Variants in OTOP1 observed in about 807,000 individuals in gnomAD.
The protein encoded by OTOP1 is proton channel OTOP1.
In OTOP1, 59 loss-of-function variants were observed where a neutral mutation model predicts 52.9. That is an observed-to-expected ratio of 1.12 (90% CI 0.91 to 1.39). OTOP1 has a LOEUF of 1.39. Among genes scored for constraint, OTOP1 ranks in the 40% most tolerant of loss-of-function variants. OTOP1 has a pLI of 0.00. For missense variants in OTOP1, 761 were observed against 800.9 expected (o/e 0.95, Z 0.60); for synonymous variants, 317 against 337.7 (o/e 0.94, Z 0.67).
Position 4,212,866 on chromosome 4 carries a change from A to G in OTOP1, c.540+2T>C. ...CAATATAAATAAACATCAGTGGTTT[A>G]CCTGCAACAAAGTATGCACTGAATG... On this transcript the variant is annotated splice_donor_variant, in intron 2 of 5. Coordinates refer to ENST00000296358, the MANE Select transcript of OTOP1 (RefSeq NM_177998.3). LOFTEE classifies it high-confidence loss of function. The G allele has an allele frequency of 6.2e-7, 1 of 1,613,938 alleles. No individual in the cohort carries two copies. Among genetic ancestry groups the G allele is most frequent in the Non-Finnish European group, 8.5e-7 (1 of 1,179,800 alleles).
intron 4 of OTOP1, among the ~76,000 whole-genome samples, chr4:4,201,463 T>C (rs199988354): frequency 5.5e-4 from 71 of 128,410 alleles, no homozygotes; most frequent in African/African-American, 1.8e-3. Context: ...TAAATAAATA[T>C]ATATATATAC....
At chr4:4,204,407 T>C (rs1259924051) in intron 3 of OTOP1, among the ~76,000 whole-genome samples, 1 of 152,140 alleles carries the variant, frequency 6.6e-6, no homozygotes, top group Non-Finnish European at 1.5e-5. Flanking sequence ...TTACTCATAA[T>C]GCACACAGCT....
chr4:4,212,129 A>T (rs954119884), intron 2 of OTOP1, among the ~76,000 whole-genome samples: 2 of 152,230 alleles, frequency 1.3e-5, no homozygotes, highest in African/African-American at 4.8e-5. Context: ...GAGGCTGACA[A>T]TTCAATAGTT....
chr4:4,205,022 T>A (rs1351935505), intron 3 of OTOP1, among the ~76,000 whole-genome samples: 1 of 152,180 alleles, frequency 6.6e-6, no homozygotes, highest in Non-Finnish European at 1.5e-5. Flanking sequence ...TCCGCCCACC[T>A]GGGCCTCCCA....
chr4:4,213,838 C>G (rs1409428911), intron 1 of OTOP1, among the ~76,000 whole-genome samples: 1 of 151,978 alleles, frequency 6.6e-6, no homozygotes, highest in Non-Finnish European at 1.5e-5. Context: ...ACCTGTAATC[C>G]CAGCACTTTG....
In OTOP1 at chr4:4,220,001, ACATATATATG is replaced by A. The variant is rs569131961; in HGVS notation, c.403+6451_403+6460del. ...CATATATACGTATATAGGTGTATAT[ACATATATATG>A]TATATACATGTATATACGTATATAT... On this transcript the variant is annotated intron_variant, in intron 1 of 5. Coordinates refer to ENST00000296358, the MANE Select transcript of OTOP1 (RefSeq NM_177998.3). Among the ~76,000 whole-genome samples, 217 of 55,392 alleles carry A rather than the reference ACATATATATG, an allele frequency of 3.9e-3. 5 individuals are homozygous for A. Among genetic ancestry groups the A allele is most frequent in the African/African-American group, 0.024 (195 of 8,174 alleles). The allele number at this position is 55,392 out of a possible 152,430, so 36.3% of individuals were successfully genotyped here. A position where few individuals can be genotyped will look rare whatever the true frequency, so the allele number is the denominator to read the frequency against.
Position 4,202,551 on chromosome 4 carries a change from G to T in OTOP1, c.627C>A (p.Thr209=). ...ERFGVIHSVF[T]NLLLWANGVL... ...CGCCATTGGCCCACAGAAGCAGGTT[G>T]GTGAACACCGAGTGGATCACTCCAA... Residue 209 remains threonine, a synonymous_variant, in exon 4 of 6, where the codon ACC becomes ACA. Transcript: ENST00000296358. 6.2e-7 allele frequency: 1 copy of T among 1,614,048 alleles called. No homozygotes were observed. Among genetic ancestry groups the T allele is most frequent in the Non-Finnish European group, 8.5e-7 (1 of 1,179,944 alleles).
chr4:4,207,951 G>A (rs929756571), intron 2 of OTOP1, among the ~76,000 whole-genome samples: 2 of 152,168 alleles, frequency 1.3e-5, no homozygotes, highest in African/African-American at 4.8e-5. Flanking sequence ...GAGGCAAATG[G>A]TTGCATTCTT....
chr4:4,226,012 A>G (rs1463101187), intron 1 of OTOP1, among the ~76,000 whole-genome samples: 1 of 152,232 alleles, frequency 6.6e-6, no homozygotes, highest in Non-Finnish European at 1.5e-5. Context: ...CCGAATGTGC[A>G]GAGGCAGAGG....
chr4:4,197,421 G>A lies in OTOP1; in HGVS notation c.1413C>T (p.Thr471=), dbSNP rs139430954. The change falls in exon 5 of 6, where the codon ACC becomes ACT. Residue 471 remains threonine, a synonymous_variant. Transcript: ENST00000296358. ...TGGGGCAGGAAGAAGCAAGGGGCAT[G>A]GTGTTGCCATTGCAGACTGTGACCA... ...LRVVTVCNGN[T]MPLASSCPKS... is the part of the protein sequence containing the mutation. The A allele has an allele frequency of 2.5e-6, 4 of 1,614,074 alleles. No individual in the cohort carries two copies. The highest frequency in any genetic ancestry group is 2.5e-6 in the Non-Finnish European group (3 of 1,180,016).
At chr4:4,200,759 T>C (rs1560206745) in intron 4 of OTOP1, among the ~76,000 whole-genome samples, 1 of 142,428 alleles carries the variant, frequency 7.0e-6, no homozygotes, top group East Asian at 2.1e-4. Context: ...GGTCTCCCTT[T>C]GTTGCCCAGG....
intron 5 of OTOP1, among the ~76,000 whole-genome samples, chr4:4,191,337 C>T (rs114059989): frequency 0.012 from 1,852 of 152,280 alleles, 50 homozygotes; most frequent in African/African-American, 0.041. Context: ...GGGCTCTACT[C>T]GGCCACCAGA....
chr4:4,211,871 C>A (rs185194017), intron 2 of OTOP1, among the ~76,000 whole-genome samples: 17 of 152,164 alleles, frequency 1.1e-4, no homozygotes, highest in African/African-American at 4.1e-4. Context: ...GTTGCAAATA[C>A]GCAAGACGAA....
chr4:4,197,587 T>A lies in OTOP1; in HGVS notation c.1247A>T (p.Glu416Val). 6.2e-7 allele frequency: 1 copy of A among 1,613,666 alleles called. No individual in the cohort carries two copies. The highest frequency in any genetic ancestry group is 1.1e-5 in the South Asian group (1 of 91,018). ...GTACCAGGTGTAGCGGGGGTGGCCC[T>A]CAGCACAGAGGATGGCCAAGATTGA... ...WGSILAILCA[E>V]GHPRYTWYNL... is the part of the protein sequence containing the mutation. Residue 416 changes from glutamate (E) to valine (V), a missense_variant, in exon 5 of 6, where the codon GAG (glutamate) becomes GTG (valine). By Grantham distance (121) the Glu-to-Val change is moderately radical. Around this residue, in one of 3 missense-constraint regions of OTOP1, gnomAD observed 632 missense variants for 619.5 expected, o/e 1.02. Transcript: ENST00000296358.
intron 2 of OTOP1, 35 bp downstream of exon 2, chr4:4,212,833 G>A: frequency 6.2e-7 from 1 of 1,610,886 alleles, no homozygotes; most frequent in Non-Finnish European, 8.5e-7. Context: ...CACTTCATAG[G>A]AATGAGACAA....
At position 4,205,936 on chromosome 4, in the gene OTOP1, A is replaced by G. The variant is rs1436791997; in HGVS notation, c.599+136T>C. 7 of 750,802 alleles carry G rather than the reference A, an allele frequency of 9.3e-6. No homozygotes were observed. The South Asian group carries it at 9.5e-5, about 10-fold the overall frequency. 46.5% of individuals were successfully genotyped at this position (750,802 alleles called of 1,614,324 possible). A position where few individuals can be genotyped will look rare whatever the true frequency, so the allele number is the denominator to read the frequency against. ...CAGTGACCCTCTTCTCTCAGCCACAAGTGAGAGCTTAGCTTTCAGGACTGA... is the reference window on the plus strand; with the variant it reads ...CAGTGACCCTCTTCTCTCAGCCACAGGTGAGAGCTTAGCTTTCAGGACTGA... On this transcript the variant is annotated intron_variant, in intron 3 of 5. Transcript: ENST00000296358.
At position 4,191,492 on chromosome 4, in the gene OTOP1, C is replaced by T. The variant is rs2980112; in HGVS notation, c.1669-2519G>A. ...ATTTCTAACCACCCACGCTTCTCCCCACTCACCCCACCCACATGGCACGCA... is the reference window on the plus strand; with the variant it reads ...ATTTCTAACCACCCACGCTTCTCCCTACTCACCCCACCCACATGGCACGCA... On this transcript the variant is annotated intron_variant, in intron 5 of 5. Transcript: ENST00000296358. 4.1e-3 allele frequency among the ~76,000 whole-genome samples: 623 copies of T among 152,338 alleles called. 5 individuals are homozygous for T. Among genetic ancestry groups the T allele is most frequent in the African/African-American group, 0.014 (589 of 41,576 alleles).
chr4:4,194,298 C>T (rs1349663110), intron 5 of OTOP1, among the ~76,000 whole-genome samples: 1 of 152,158 alleles, frequency 6.6e-6, no homozygotes. Context: ...GGAACATGCA[C>T]CTCAAAAAAA....
Position 4,226,732 on chromosome 4 carries a change from G to C in OTOP1, c.133C>G (p.Arg45Gly). The C allele has an allele frequency of 7.2e-7, 1 of 1,394,378 alleles. No homozygotes were observed. Among genetic ancestry groups the C allele is most frequent in the Non-Finnish European group, 9.3e-7 (1 of 1,072,430 alleles). 86.4% of individuals were successfully genotyped at this position (1,394,378 alleles called of 1,614,324 possible). Residue 45 changes from arginine to glycine, a missense_variant, in exon 1 of 6, where the codon CGG (arginine) becomes GGG (glycine). Coordinates refer to ENST00000296358, the MANE Select transcript of OTOP1 (RefSeq NM_177998.3). ...ACGCTGGCGCGCACACCGCCCCGCCGGGGGGCCGGGGATTCCGGGGACCTC... is the reference window on the plus strand; with the variant it reads ...ACGCTGGCGCGCACACCGCCCCGCCCGGGGGCCGGGGATTCCGGGGACCTC... ...APRSPESPAP[R>G]RGGVRASVPQ...
Sources: gnomAD v4.1 joint callset for allele counts (sites outside exome capture counted in the v4.1 genomes callset) on GRCh38, gnomAD v4.1.1 for gene constraint, gnomAD v4.1.1 regional missense constraint, MANE v1.5 for transcripts, NCBI Gene and HGNC (gene_info 2026-07-23, HGNC 2026-07-21) for gene names.